Variants in SLC37A2 observed in about 807,000 individuals in gnomAD.
The protein encoded by SLC37A2 is solute carrier family 37 member 2.
A neutral mutation model predicts 70.7 loss-of-function variants in SLC37A2; 59 were observed. The observed-to-expected ratio is 0.83, with a 90% confidence interval of 0.68 to 1.04. The LOEUF (loss-of-function observed/expected upper bound fraction) is 1.04. Among genes scored for constraint, SLC37A2 ranks in the 50% least tolerant of loss-of-function variants. SLC37A2 has a pLI of 0.00. For missense variants in SLC37A2, 580 were observed against 658.1 expected, an observed-to-expected ratio of 0.88 and a Z score of 1.30; for synonymous variants, 257 against 262.1, an observed-to-expected ratio of 0.98 and a Z score of 0.19.
chr11:125,081,427 A>C lies in SLC37A2; in HGVS notation c.701A>C (p.Glu234Ala). The change falls in exon 8 of 18, where the codon GAA (glutamate) becomes GCA (alanine). Residue 234 changes from glutamate to alanine, a missense_variant. Transcript: ENST00000403796. ...AAGCGATTTTTTTTTCTAGACCCAG[A>C]AGATGTGGACTGCGCCCCTCCTCAG... ...ITFLFLIEHP[E>A]DVDCAPPQHH... 1 of 1,606,288 alleles carries C rather than the reference A, an allele frequency of 6.2e-7. No homozygotes were observed. The highest frequency in any genetic ancestry group is 8.5e-7 in the Non-Finnish European group (1 of 1,176,064).
chr11:125,080,013 A>G lies in SLC37A2; in HGVS notation c.527+253A>G, dbSNP rs1729516215. Among the ~76,000 whole-genome samples the G allele has an allele frequency of 6.6e-6, 1 of 152,240 alleles. No homozygotes were observed. The highest frequency in any genetic ancestry group is 1.5e-5 in the Non-Finnish European group (1 of 68,042). On this transcript the variant is annotated intron_variant, in intron 6 of 17. Coordinates refer to ENST00000403796, the MANE Select transcript of SLC37A2 (RefSeq NM_001145290.2). This position sits in a 1 kb window ranked among gnomAD's most constrained non-coding sequence, Gnocchi z 4.3. ...ATTTCTATTTTCAACGAAGACAAAA[A>G]GAAGCCTATAAAACTTCCGCCCTGC...
chr11:125,085,235 A>G, intron 14 of SLC37A2, 96 bp downstream of exon 14: 1 of 1,383,882 alleles, frequency 7.2e-7, no homozygotes, highest in Non-Finnish European at 1.0e-6. Flanking sequence ...CCCATCCCGC[A>G]GAGGAGAAAC....
In SLC37A2 at chr11:125,079,185, T is replaced by C. The variant is rs779938362; in HGVS notation, c.388T>C (p.Ser130Pro). The C allele has an allele frequency of 1.2e-6, 2 of 1,614,214 alleles. No homozygotes were observed. The highest frequency in any genetic ancestry group is 2.2e-5 in the East Asian group (1 of 44,880). Residue 130 changes from serine to proline, a missense_variant, in exon 5 of 18, where the codon TCG (serine) becomes CCG (proline). Transcript: ENST00000403796. ...AATGCTGCTCAGTGGCCTTTTCACC[T>C]CGCTCTTTGGCCTGGGATATTTCTG... is the stretch of plus-strand genomic sequence containing the variant. ...AGMLLSGLFT[S>P]LFGLGYFWNI... is the part of the protein sequence containing the mutation.
At chr11:125,070,823 T>C (rs2135561118) in intron 1 of SLC37A2, among the ~76,000 whole-genome samples, 1 of 152,296 alleles carries the variant, frequency 6.6e-6, no homozygotes, top group South Asian at 2.1e-4. Context: ...CTTTTTGGGC[T>C]TCCTCTTCCA....
intron 17 of SLC37A2, 22 bp downstream of exon 17, chr11:125,086,040 T>A (rs1949211128): frequency 1.2e-6 from 2 of 1,610,558 alleles, no homozygotes; most frequent in African/African-American, 2.7e-5. Flanking sequence ...GAGCTGAAGC[T>A]GCCCCTCTAC....
chr11:125,065,570 C>G (rs1948972593), intron 1 of SLC37A2, among the ~76,000 whole-genome samples: 1 of 152,114 alleles, frequency 6.6e-6, no homozygotes, highest in Non-Finnish European at 1.5e-5. Flanking sequence ...TTCCTTTTGG[C>G]TTGTAAACCT....
At position 125,080,889 on chromosome 11, in the gene SLC37A2, C is replaced by A; in HGVS notation, c.694+109C>A. 1 of 961,520 alleles carries A rather than the reference C, an allele frequency of 1.0e-6. No homozygotes were observed. Among genetic ancestry groups the A allele is most frequent in the East Asian group, 3.0e-5 (1 of 33,544 alleles). The allele number at this position is 961,520 out of a possible 1,614,324, so 59.6% of individuals were successfully genotyped here. ...GCTGGTCACAGAGTGGGAGGACCAG[C>A]CGTGTGACTTTGGACAATCTTTCAG... On this transcript the variant is annotated intron_variant, in intron 7 of 17. Coordinates refer to ENST00000403796, the MANE Select transcript of SLC37A2 (RefSeq NM_001145290.2). This position sits in a 1 kb window ranked among gnomAD's most constrained non-coding sequence, Gnocchi z 4.3.
chr11:125,087,002 C>G (rs1007086084), intron 17 of SLC37A2: 9 of 154,626 alleles, frequency 5.8e-5, no homozygotes, highest in Non-Finnish European at 8.6e-5. Context: ...AGGAAGCACG[C>G]AGAGCACCTG....
chr11:125,089,717 C>G lies in SLC37A2; in HGVS notation c.*1583C>G, dbSNP rs1418517622. 1 of 153,356 alleles carries G rather than the reference C, an allele frequency of 6.5e-6. No individual in the cohort carries two copies. Among genetic ancestry groups the G allele is most frequent in the Non-Finnish European group, 1.5e-5 (1 of 68,928 alleles). 9.5% of individuals were successfully genotyped at this position (153,356 alleles called of 1,614,324 possible). A position where few individuals can be genotyped will look rare whatever the true frequency, so the allele number is the denominator to read the frequency against. On this transcript the variant is annotated 3_prime_UTR_variant, in exon 18 of 18. Coordinates refer to ENST00000403796, the MANE Select transcript of SLC37A2 (RefSeq NM_001145290.2). ...CGCTGTGCTTGATTTCTCGCTGGGC[C>G]TTAGCTGCCTTCCCGCGGGGCAGGG...
At chr11:125,072,800 A>G (rs1949042940) in intron 1 of SLC37A2, among the ~76,000 whole-genome samples, 1 of 152,142 alleles carries the variant, frequency 6.6e-6, no homozygotes, top group African/African-American at 2.4e-5. Context: ...TTTCTCTTAG[A>G]ACACCTGACA....
chr11:125,074,299 A>G (rs147287161), intron 1 of SLC37A2, among the ~76,000 whole-genome samples: 42 of 151,872 alleles, frequency 2.8e-4, no homozygotes, highest in Middle Eastern at 6.8e-3. Context: ...TCTGTAAGAG[A>G]GAGACATCAC....
chr11:125,083,932 G>T lies in SLC37A2; in HGVS notation c.1039+55G>T. On this transcript the variant is annotated intron_variant, in intron 11 of 17. Coordinates refer to ENST00000403796, the MANE Select transcript of SLC37A2 (RefSeq NM_001145290.2). The surrounding 1 kb of genome is among the most constrained non-coding windows in gnomAD (Gnocchi z 4.6). ...CTCCCTTCCCCTCTTTTCTTGTGGG[G>T]TGCAGGAAGAAGGGACAGGTCCGAT... 4 of 1,568,230 alleles carry T rather than the reference G, an allele frequency of 2.6e-6. No individual in the cohort carries two copies.
At position 125,080,087 on chromosome 11, in the gene SLC37A2, T is replaced by G. The variant is rs1272242594; in HGVS notation, c.527+327T>G. 6.6e-6 allele frequency among the ~76,000 whole-genome samples: 1 copy of G among 152,186 alleles called. No homozygotes were observed. Among genetic ancestry groups the G allele is most frequent in the Non-Finnish European group, 1.5e-5 (1 of 68,040 alleles). On this transcript the variant is annotated intron_variant, in intron 6 of 17. Coordinates refer to ENST00000403796, the MANE Select transcript of SLC37A2 (RefSeq NM_001145290.2). This position sits in a 1 kb window ranked among gnomAD's most constrained non-coding sequence, Gnocchi z 4.3. ...GCTTGTGTGCAAAACAAAGTTGCTTTGGAGAAGGAGTTCTCACCCTTGGCA... is the reference window on the plus strand; with the variant it reads ...GCTTGTGTGCAAAACAAAGTTGCTTGGGAGAAGGAGTTCTCACCCTTGGCA...
chr11:125,083,760 T>G lies in SLC37A2; in HGVS notation c.977-55T>G. 4.7e-6 allele frequency: 7 copies of G among 1,496,490 alleles called. No homozygotes were observed. The highest frequency in any genetic ancestry group is 6.5e-6 in the Non-Finnish European group (7 of 1,072,784). 92.7% of individuals were successfully genotyped at this position (1,496,490 alleles called of 1,614,324 possible). On this transcript the variant is annotated intron_variant, in intron 10 of 17. Transcript: ENST00000403796. The surrounding 1 kb of genome is among the most constrained non-coding windows in gnomAD (Gnocchi z 4.6). ...TCTGCAGGGCTTCTAGCTGTGACAC[T>G]CCAGGATGTTTGCCCCAAACCCCAG...
intron 1 of SLC37A2, among the ~76,000 whole-genome samples, chr11:125,068,154 T>A (rs552998450): frequency 2.0e-5 from 3 of 152,278 alleles, no homozygotes; most frequent in Admixed American, 6.5e-5. Flanking sequence ...GCTACGGTAT[T>A]CCCCAACATC....
chr11:125,082,164 G>C (rs1387391474), intron 9 of SLC37A2, 80 bp from the exon 10 acceptor site: 9 of 1,371,996 alleles, frequency 6.6e-6, no homozygotes, highest in Non-Finnish European at 9.4e-6. Flanking sequence ...TACTGGGGTG[G>C]TGCTGAGCAC....
intron 9 of SLC37A2, 42 bp from the exon 10 acceptor site, chr11:125,082,202 C>T (rs1949158247): frequency 2.5e-6 from 4 of 1,596,042 alleles, no homozygotes; most frequent in African/African-American, 1.3e-5. Flanking sequence ...GAACCCAGGA[C>T]CTCTGGACCC....
Position 125,085,601 on chromosome 11 carries a change from C to T in SLC37A2, c.1352C>T (p.Ala451Val). The T allele has an allele frequency of 6.2e-7, 1 of 1,613,924 alleles. No individual in the cohort carries two copies. The highest frequency in any genetic ancestry group is 1.1e-5 in the South Asian group (1 of 91,078). ...GGTGCGGCTCTGGGGCCTCTGCTGG[C>T]TGGGCTCATCTCCCCCACGGGCTGG... ...SIGAALGPLL[A>V]GLISPTGWNN... The change falls in exon 16 of 18, where the codon GCT (alanine) becomes GTT (valine). Residue 451 changes from alanine to valine, a missense_variant. Physicochemically the swap from Ala to Val is moderately conservative, Grantham distance 64. Transcript: ENST00000403796.
At chr11:125,074,101 C>T (rs1949057115) in intron 1 of SLC37A2, among the ~76,000 whole-genome samples, 1 of 152,110 alleles carries the variant, frequency 6.6e-6, no homozygotes, top group Non-Finnish European at 1.5e-5. Flanking sequence ...GGCGGAGTTC[C>T]CCAAACAGGT....
Sources: allele counts gnomAD v4.1 joint callset (sites outside exome capture counted in the v4.1 genomes callset), GRCh38; gene constraint gnomAD v4.1.1; non-coding constraint Gnocchi (gnomAD v3.1); transcripts MANE v1.5; gene names NCBI Gene and HGNC (gene_info 2026-07-23, HGNC 2026-07-21).